Variants in NCKAP5 observed in about 807,000 individuals in gnomAD.
NCKAP5 encodes nck-associated protein 5.
Under a neutral mutation model 167.0 loss-of-function variants are expected in NCKAP5, and 92 were observed. That is an observed-to-expected ratio of 0.55 (90% CI 0.47 to 0.66). The LOEUF (loss-of-function observed/expected upper bound fraction) is 0.66, where lower values mean the gene tolerates loss of function less well. NCKAP5 is among the 30% of genes least tolerant of loss of function. The pLI, the probability that NCKAP5 is intolerant of heterozygous loss-of-function variation, is 0.00. For missense variants in NCKAP5, 2,378 were observed against 2,315.0 expected (o/e 1.03, Z -0.56); for synonymous variants, 891 against 877.4 (o/e 1.02, Z -0.27).
intron 5 of NCKAP5, among the ~76,000 whole-genome samples, chr2:133,183,949 A>T (rs546429011): frequency 3.9e-5 from 6 of 152,112 alleles, no homozygotes; most frequent in Non-Finnish European, 7.4e-5. Context: ...AACAAAATTT[A>T]TATTTTTATT....
chr2:133,642,178 G>T, the NCKAP5 span, among the ~76,000 whole-genome samples: 1 of 152,082 alleles, frequency 6.6e-6, no homozygotes, highest in Non-Finnish European at 1.5e-5. Context: ...TCTCTTGAGC[G>T]AATGAATCTA....
intron 4 of NCKAP5, among the ~76,000 whole-genome samples, chr2:133,229,379 C>G (rs2087040084): frequency 6.6e-6 from 1 of 152,142 alleles, no homozygotes; most frequent in African/African-American, 2.4e-5. Context: ...AGTTCAGACA[C>G]AGAGCCAACA....
At chr2:133,554,460 G>A (rs1413181351) in intron 2 of NCKAP5, 2 of 152,084 alleles carry the variant, frequency 1.3e-5, no homozygotes, top group Non-Finnish European at 2.9e-5. Context: ...ACAGAACATT[G>A]GTAATTACAC....
chr2:132,760,592 A>C (rs1311585352), intron 16 of NCKAP5, among the ~76,000 whole-genome samples: 1 of 152,020 alleles, frequency 6.6e-6, no homozygotes, highest in Non-Finnish European at 1.5e-5. Flanking sequence ...TCTGACTCTC[A>C]CTAATGAGTC....
At position 132,789,253 on chromosome 2, in the gene NCKAP5, A is replaced by AT. The variant is rs775085565; in HGVS notation, c.1092+769_1092+770insA. Reference sequence around the variant, plus strand: ...TTCACAAAGCGAGGAAACATCCCTGACCATCTGTCCAGTCTGTTCCAAACC... The same window carrying AT: ...TTCACAAAGCGAGGAAACATCCCTGATCCATCTGTCCAGTCTGTTCCAAACC... On this transcript the variant is annotated intron_variant, in intron 13 of 19. Coordinates refer to ENST00000409261, the MANE Select transcript of NCKAP5 (RefSeq NM_207363.3). 2.1e-3 allele frequency among the ~76,000 whole-genome samples: 326 copies of AT among 152,340 alleles called. 1 individual carries two copies. Among genetic ancestry groups the AT allele is most frequent in the South Asian group, 0.013 (63 of 4,820 alleles).
intron 3 of NCKAP5, among the ~76,000 whole-genome samples, chr2:133,437,281 A>G (rs757508034): frequency 1.3e-5 from 2 of 151,820 alleles, no homozygotes; most frequent in Non-Finnish European, 2.9e-5. Flanking sequence ...TGAACCCGAG[A>G]GGCAGAGGTT....
At chr2:133,067,339 T>C (rs1055144429) in intron 6 of NCKAP5, among the ~76,000 whole-genome samples, 9 of 152,256 alleles carry the variant, frequency 5.9e-5, no homozygotes, top group African/African-American at 2.2e-4. Flanking sequence ...TAAATTTATG[T>C]TTTAAAAAAG....
intron 6 of NCKAP5, among the ~76,000 whole-genome samples, chr2:133,082,863 A>T (rs139857474): frequency 6.6e-6 from 1 of 152,256 alleles, no homozygotes; most frequent in Non-Finnish European, 1.5e-5. Flanking sequence ...GCCATTATGG[A>T]TTACAGTTTT....
intron 8 of NCKAP5, among the ~76,000 whole-genome samples, chr2:132,963,051 G>A (rs2076564473): frequency 6.6e-6 from 1 of 151,980 alleles, no homozygotes; most frequent in Non-Finnish European, 1.5e-5. Context: ...CTTTAAGCAT[G>A]TGACATTTCA....
At chr2:133,623,909 A>G in the NCKAP5 span, among the ~76,000 whole-genome samples, 1 of 152,188 alleles carries the variant, frequency 6.6e-6, no homozygotes, top group Non-Finnish European at 1.5e-5. Flanking sequence ...TCATCAATCA[A>G]CGAGTGGATA....
intron 4 of NCKAP5, among the ~76,000 whole-genome samples, chr2:133,283,299 A>T (rs1222896626): frequency 2.6e-5 from 4 of 152,176 alleles, no homozygotes; most frequent in East Asian, 1.9e-4. Context: ...GTTTTTTTTT[A>T]AAAGGAAGCT....
At chr2:132,942,654 A>T (rs1234238927) in intron 8 of NCKAP5, among the ~76,000 whole-genome samples, 2 of 152,198 alleles carry the variant, frequency 1.3e-5, no homozygotes, top group African/African-American at 4.8e-5. Context: ...GAGTTAAAGT[A>T]ATTTGGGCAA....
chr2:133,213,242 G>A (rs1218423908), intron 5 of NCKAP5, among the ~76,000 whole-genome samples: 1 of 152,082 alleles, frequency 6.6e-6, no homozygotes, highest in Non-Finnish European at 1.5e-5. Flanking sequence ...TTTTCCAAAT[G>A]GCACAAGCTG....
intron 11 of NCKAP5, among the ~76,000 whole-genome samples, chr2:132,835,725 C>T (rs1687844931): frequency 6.6e-6 from 1 of 151,944 alleles, no homozygotes; most frequent in Non-Finnish European, 1.5e-5. Flanking sequence ...AAATCTTTTA[C>T]TGCCAGTTAA....
the NCKAP5 span, among the ~76,000 whole-genome samples, chr2:133,668,154 T>A: frequency 6.6e-6 from 1 of 152,038 alleles, no homozygotes; most frequent in Non-Finnish European, 1.5e-5. Flanking sequence ...TGTATGGATA[T>A]ACCACATTTC....
chr2:133,434,979 T>C (rs1192678145), intron 3 of NCKAP5, among the ~76,000 whole-genome samples: 3 of 152,170 alleles, frequency 2.0e-5, no homozygotes, highest in African/African-American at 7.2e-5. Flanking sequence ...AGAAGACAAG[T>C]AAGAGTCTTA....
chr2:132,830,992 A>G (rs1687483685), intron 11 of NCKAP5, among the ~76,000 whole-genome samples: 1 of 152,148 alleles, frequency 6.6e-6, no homozygotes, highest in African/African-American at 2.4e-5. Flanking sequence ...AACACTTCCA[A>G]TGTATGCAAA....
At chr2:133,645,814 C>T in the NCKAP5 span, among the ~76,000 whole-genome samples, 1 of 151,742 alleles carries the variant, frequency 6.6e-6, no homozygotes, top group Non-Finnish European at 1.5e-5. Flanking sequence ...GATAACATAG[C>T]ATAAAAGTAT....
chr2:133,054,074 C>T (rs1219078685), intron 6 of NCKAP5, among the ~76,000 whole-genome samples: 3 of 152,122 alleles, frequency 2.0e-5, no homozygotes, highest in African/African-American at 7.2e-5. Context: ...AGGAAGATGG[C>T]AAAGGCAAGT....
Sources: gnomAD v4.1 joint callset for allele counts (sites outside exome capture counted in the v4.1 genomes callset) on GRCh38, gnomAD v4.1.1 for gene constraint, MANE v1.5 for transcripts, NCBI Gene and HGNC (gene_info 2026-07-23, HGNC 2026-07-21) for gene names.